The following CCDC178 variants were observed in gnomAD, a reference collection of about 807,000 sequenced individuals.
CCDC178 encodes coiled-coil domain containing 178, also known as coiled-coil domain-containing protein 178.
A neutral mutation model predicts 117.4 loss-of-function variants in CCDC178; 126 were observed. The observed-to-expected ratio is 1.07, with a 90% CI of 0.93 to 1.24. The LOEUF (loss-of-function observed/expected upper bound fraction) is 1.24, where lower values mean the gene tolerates loss of function less well. Ranked by LOEUF, CCDC178 falls within the 50% of genes most tolerant of loss-of-function variation. The probability of loss-of-function intolerance (pLI) is 0.00; values close to 1 mark genes in which losing one functional copy is unlikely to be tolerated. For missense variants in CCDC178, 1,030 were observed against 986.9 expected, an observed-to-expected ratio of 1.04 and a Z score of -0.59; for synonymous variants, 283 against 313.4, an observed-to-expected ratio of 0.90 and a Z score of 1.02.
intron 4 of CCDC178, among the ~76,000 whole-genome samples, chr18:33,392,045 A>G (rs887362560): frequency 6.6e-5 from 10 of 151,910 alleles, no homozygotes; most frequent in African/African-American, 2.4e-4. Flanking sequence ...TTATATTTTT[A>G]GTAGAGATGG....
intron 15 of CCDC178, among the ~76,000 whole-genome samples, chr18:33,240,278 T>C (rs1329169899): frequency 6.6e-6 from 1 of 151,210 alleles, no homozygotes; most frequent in Non-Finnish European, 1.5e-5. Context: ...CATACACTAC[T>C]TAGAAAGATT....
At chr18:33,130,458 T>G (rs1374801273) in intron 20 of CCDC178, among the ~76,000 whole-genome samples, 2 of 152,046 alleles carry the variant, frequency 1.3e-5, no homozygotes, top group African/African-American at 4.8e-5. Flanking sequence ...TATGTAGTAT[T>G]GTTGTAACTA....
intron 14 of CCDC178, among the ~76,000 whole-genome samples, chr18:33,246,992 A>G (rs1361618931): frequency 3.3e-5 from 5 of 151,820 alleles, no homozygotes; most frequent in African/African-American, 9.7e-5. Context: ...AAGCAATGAC[A>G]TAATTTCAAT....
At chr18:32,978,605 A>C (rs1056605788) in intron 21 of CCDC178, among the ~76,000 whole-genome samples, 2 of 152,334 alleles carry the variant, frequency 1.3e-5, no homozygotes, top group African/African-American at 4.8e-5. Flanking sequence ...CATTTTACTA[A>C]ATAAACTTCA....
At chr18:33,317,452 T>C (rs796635903) in intron 11 of CCDC178, among the ~76,000 whole-genome samples, 5 of 152,110 alleles carry the variant, frequency 3.3e-5, no homozygotes, top group African/African-American at 9.7e-5. Context: ...TCACCGCAAG[T>C]GTCCGCGGCT....
intron 20 of CCDC178, among the ~76,000 whole-genome samples, chr18:33,103,741 G>A (rs921816234): frequency 6.6e-6 from 1 of 151,730 alleles, no homozygotes; most frequent in African/African-American, 2.4e-5. Context: ...TAGAGGTCTT[G>A]CATTATAAGT....
intron 15 of CCDC178, among the ~76,000 whole-genome samples, chr18:33,230,246 C>CTGTGTGTGTGTGTG (rs111674114): frequency 2.0e-5 from 3 of 148,096 alleles, no homozygotes; most frequent in African/African-American, 7.4e-5. Context: ...AACTCAGAGG[C>CTGTGTGTGTGTGTG]TGTGTGTGTG....
chr18:33,076,117 C>T (rs769617504), intron 21 of CCDC178, among the ~76,000 whole-genome samples: 1 of 152,082 alleles, frequency 6.6e-6, no homozygotes, highest in African/African-American at 2.4e-5. Flanking sequence ...AAATTTATAA[C>T]GTAGTAAAGA....
chr18:33,304,124 G>A (rs1335590808), intron 11 of CCDC178, among the ~76,000 whole-genome samples: 3 of 152,148 alleles, frequency 2.0e-5, no homozygotes, highest in East Asian at 1.9e-4. Context: ...TTGGCTATCC[G>A]TTGCTGCATA....
intron 10 of CCDC178, among the ~76,000 whole-genome samples, chr18:33,327,045 T>TA (rs1240314047): frequency 2.6e-5 from 4 of 152,012 alleles, no homozygotes; most frequent in African/African-American, 7.2e-5. Flanking sequence ...GATTGCATAA[T>TA]AAAAAAATAA....
At chr18:33,305,838 G>A (rs1568131514) in intron 11 of CCDC178, among the ~76,000 whole-genome samples, 1 of 152,056 alleles carries the variant, frequency 6.6e-6, no homozygotes, top group East Asian at 1.9e-4. Flanking sequence ...GGAAAGTTAA[G>A]GGATCATTTT....
intron 22 of CCDC178, among the ~76,000 whole-genome samples, chr18:32,956,300 TA>T (rs1436838264): frequency 6.6e-6 from 1 of 152,188 alleles, no homozygotes; most frequent in Non-Finnish European, 1.5e-5. Context: ...TTAAACTAAT[TA>T]TTTATTTATT....
At chr18:33,433,114 T>C (rs1357394633) in intron 2 of CCDC178, among the ~76,000 whole-genome samples, 1 of 152,192 alleles carries the variant, frequency 6.6e-6, no homozygotes, top group Non-Finnish European at 1.5e-5. Context: ...GTTTAAAGTT[T>C]GGATAACGTG....
At chr18:33,179,900 A>G (rs993530489) in intron 20 of CCDC178, among the ~76,000 whole-genome samples, 2 of 151,972 alleles carry the variant, frequency 1.3e-5, no homozygotes, top group East Asian at 3.9e-4. Flanking sequence ...TTCTTTTTTT[A>G]AAATTTTTTT....
At chr18:33,056,939 A>T (rs1042006507) in intron 21 of CCDC178, among the ~76,000 whole-genome samples, 1 of 111,810 alleles carries the variant, frequency 8.9e-6, no homozygotes, top group Non-Finnish European at 1.9e-5. Context: ...GCTGGTGTTT[A>T]TAAGTTTTTC....
At chr18:33,224,349 C>A (rs889972021) in intron 17 of CCDC178, among the ~76,000 whole-genome samples, 37 of 152,254 alleles carry the variant, frequency 2.4e-4, no homozygotes, top group African/African-American at 7.9e-4. Flanking sequence ...AATATTTTAT[C>A]AACATTTGCT....
chr18:33,082,869 A>C (rs534625365), intron 21 of CCDC178, among the ~76,000 whole-genome samples: 70 of 152,092 alleles, frequency 4.6e-4, no homozygotes, highest in African/African-American at 1.6e-3. Context: ...ATTTCATATA[A>C]TCTTTCTTAA....
intron 20 of CCDC178, among the ~76,000 whole-genome samples, chr18:33,099,420 C>T (rs1295898243): frequency 6.6e-6 from 1 of 151,858 alleles, no homozygotes; most frequent in African/African-American, 2.4e-5. Context: ...GCTTTGATGT[C>T]CTTAAAGCAG....
intron 2 of CCDC178, among the ~76,000 whole-genome samples, chr18:33,415,466 C>T (rs535732925): frequency 3.3e-5 from 5 of 151,742 alleles, no homozygotes; most frequent in Non-Finnish European, 7.4e-5. Context: ...AAAACAAACA[C>T]CGCATGTTCT....
Sources: gnomAD v4.1 joint callset for allele counts (sites outside exome capture counted in the v4.1 genomes callset) on GRCh38, gnomAD v4.1.1 for gene constraint, MANE v1.5 for transcripts, NCBI Gene and HGNC (gene_info 2026-07-23, HGNC 2026-07-21) for gene names.